The following COL16A1 variants were observed in gnomAD, a reference collection of about 807,000 sequenced individuals.
COL16A1 encodes the protein collagen type XVI alpha 1 chain.
Under a neutral mutation model 266.3 loss-of-function variants are expected in COL16A1, and 189 were observed. The observed-to-expected ratio is 0.71, with a 90% CI of 0.63 to 0.80. COL16A1 has a LOEUF of 0.80. COL16A1 is among the 30% of genes least tolerant of loss of function. The pLI is 0.00. For synonymous variants in COL16A1, 740 were observed against 782.3 expected (o/e 0.95, Z 0.90); for missense variants, 1,928 against 2,122.4 (o/e 0.91, Z 1.80).
chr1:31,687,577 G>T (rs1309262164), intron 26 of COL16A1, among the ~76,000 whole-genome samples: 1 of 151,610 alleles, frequency 6.6e-6, no homozygotes, highest in African/African-American at 2.4e-5. Context: ...AAGTGGAGGG[G>T]GTGAGAGAGC....
chr1:31,680,543 T>C (rs934015424), intron 39 of COL16A1, among the ~76,000 whole-genome samples: 2 of 152,142 alleles, frequency 1.3e-5, no homozygotes, highest in Non-Finnish European at 2.9e-5. Flanking sequence ...ACTAGTCCTT[T>C]CCAGCTCACT....
At position 31,652,593 on chromosome 1, in the gene COL16A1, A is replaced by T; in HGVS notation, c.*58T>A. On this transcript the variant is annotated 3_prime_UTR_variant, in exon 71 of 71. Transcript: ENST00000373672. This position sits in a 1 kb window ranked among gnomAD's most constrained non-coding sequence, Gnocchi z 4.8. ...CATTCACAACCTGTCACAGAGTCCT[A>T]TAAGCTTTGGCCATTTATTCCCAAC... The T allele has an allele frequency of 6.7e-7, 1 of 1,493,750 alleles. No individual in the cohort carries two copies. The highest frequency in any genetic ancestry group is 8.9e-7 in the Non-Finnish European group (1 of 1,121,802). The allele number at this position is 1,493,750 out of a possible 1,614,324, so 92.5% of individuals were successfully genotyped here.
intron 10 of COL16A1, among the ~76,000 whole-genome samples, 200 bp downstream of exon 10, chr1:31,695,561 A>T (rs988024386): frequency 6.6e-6 from 1 of 152,124 alleles, no homozygotes; most frequent in African/African-American, 2.4e-5. Flanking sequence ...CTGCCAACTC[A>T]GCAGGAGTGT....
chr1:31,652,620 G>T lies in COL16A1; in HGVS notation c.*31C>A. Reference sequence around the variant, plus strand: ...AAGCTTTGGCCATTTATTCCCAACGGAGTCTTTCATCCAAAGGCAGGTGGG... The same window carrying T: ...AAGCTTTGGCCATTTATTCCCAACGTAGTCTTTCATCCAAAGGCAGGTGGG... On this transcript the variant is annotated 3_prime_UTR_variant, in exon 71 of 71. Coordinates refer to ENST00000373672, the MANE Select transcript of COL16A1 (RefSeq NM_001856.4). The surrounding 1 kb of genome is among the most constrained non-coding windows in gnomAD (Gnocchi z 4.8). 1.3e-6 allele frequency: 2 copies of T among 1,530,998 alleles called. No homozygotes were observed. The highest frequency in any genetic ancestry group is 2.6e-5 in the South Asian group (2 of 77,864). 94.8% of individuals were successfully genotyped at this position (1,530,998 alleles called of 1,614,324 possible).
rs1253520357 is a variant in COL16A1, at chr1:31,656,885, T to C, written c.4056+148A>G. On this transcript the variant is annotated intron_variant, in intron 65 of 70. Transcript: ENST00000373672. The surrounding 1 kb of genome is among the most constrained non-coding windows in gnomAD (Gnocchi z 4.2). ...CCATCCTTGGCCTCAAGTCTCTAAT[T>C]CCTCTCCCCAGGACAACAGGGTTAA... 9.2e-7 allele frequency: 1 copy of C among 1,083,426 alleles called. No homozygotes were observed. The allele number at this position is 1,083,426 out of a possible 1,614,324, so 67.1% of individuals were successfully genotyped here.
intron 42 of COL16A1, chr1:31,679,179 G>T (rs935859438): frequency 1.1e-5 from 5 of 465,726 alleles, no homozygotes; most frequent in African/African-American, 7.8e-5. Flanking sequence ...TATTTATCTT[G>T]CTTATTGTCT....
chr1:31,686,403 A>G, intron 26 of COL16A1, 124 bp from the exon 27 acceptor site: 1 of 1,348,306 alleles, frequency 7.4e-7, no homozygotes, highest in Non-Finnish European at 1.0e-6. Context: ...ATGTCCAGAG[A>G]GGAAGAGGGC....
intron 16 of COL16A1, 55 bp from the exon 17 acceptor site, chr1:31,692,122 G>A (rs1237455576): frequency 6.2e-7 from 1 of 1,611,364 alleles, no homozygotes; most frequent in Non-Finnish European, 8.5e-7. Flanking sequence ...GGGACAGCTG[G>A]GCAGCTCCAT....
chr1:31,688,308 C>A lies in COL16A1; in HGVS notation c.1803+159G>T, dbSNP rs780784092. On this transcript the variant is annotated intron_variant, in intron 26 of 70. Coordinates refer to ENST00000373672, the MANE Select transcript of COL16A1 (RefSeq NM_001856.4). The surrounding 1 kb of genome is among the most constrained non-coding windows in gnomAD (Gnocchi z 4.9). ...ACATGAGGGCTCTCAGAAATAAATT[C>A]TTTGACTCAAGTCTGCAAAACACTA... 6.6e-6 allele frequency among the ~76,000 whole-genome samples: 1 copy of A among 152,064 alleles called. No individual in the cohort carries two copies. Among genetic ancestry groups the A allele is most frequent in the African/African-American group, 2.4e-5 (1 of 41,384 alleles).
rs200431447 is a variant in COL16A1, at chr1:31,689,722, G to T, written c.1620+19C>A. 2.5e-6 allele frequency: 4 copies of T among 1,600,268 alleles called. No homozygotes were observed. The highest frequency in any genetic ancestry group is 1.3e-5 in the African/African-American group (1 of 74,738). ...TGTGTGTTGGGGGAGGTCCCTCAAT[G>T]GTCACCCTGGGCACTCACCCTGGCT... is the stretch of plus-strand genomic sequence containing the variant. On this transcript the variant is annotated intron_variant, in intron 23 of 70. Coordinates refer to ENST00000373672, the MANE Select transcript of COL16A1 (RefSeq NM_001856.4).
chr1:31,693,307 C>T (rs1242562656), intron 12 of COL16A1, 153 bp from the exon 13 acceptor site: 9 of 637,370 alleles, frequency 1.4e-5, no homozygotes, highest in South Asian at 1.2e-4. Flanking sequence ...CCACGCCTCC[C>T]CCCACCACAC....
chr1:31,652,810 T>C lies in COL16A1; in HGVS notation c.4656A>G (p.Gly1552=). ...CAGGGATGCCTTGCTGGCCCATTGG[T>C]CCTGTTGCACCCATCTTGCCATAGC... ...PPGYGKMGAT[G]PMGQQGIPGI... is the part of the protein sequence containing the mutation. The change falls in exon 71 of 71, where the codon GGA becomes GGG. Residue 1552 remains glycine (G), a synonymous_variant. Coordinates refer to ENST00000373672, the MANE Select transcript of COL16A1 (RefSeq NM_001856.4). The surrounding 1 kb of genome is among the most constrained non-coding windows in gnomAD (Gnocchi z 4.8). The C allele has an allele frequency of 2.5e-6, 4 of 1,592,394 alleles. No homozygotes were observed. Among genetic ancestry groups the C allele is most frequent in the Non-Finnish European group, 3.4e-6 (4 of 1,172,066 alleles).
intron 39 of COL16A1, 70 bp from the exon 40 acceptor site, chr1:31,680,171 G>A (rs1330239631): frequency 3.5e-5 from 55 of 1,563,946 alleles, no homozygotes; most frequent in Non-Finnish European, 4.2e-5. Context: ...ACATCCGAGA[G>A]GCACGTGGGC....
At chr1:31,680,835 G>A in intron 39 of COL16A1, 70 bp downstream of exon 39, 3 of 1,612,150 alleles carry the variant, frequency 1.9e-6, no homozygotes, top group South Asian at 2.2e-5. Context: ...CCAGAGTACG[G>A]GTCACAGGTG....
chr1:31,696,067 T>TG, intron 9 of COL16A1, 21 bp downstream of exon 9: 1 of 1,543,060 alleles, frequency 6.5e-7, no homozygotes, highest in Non-Finnish European at 9.0e-7. Context: ...GGTAGGCTCC[T>TG]CCCCCCACCC....
intron 69 of COL16A1, 32 bp from the exon 70 acceptor site, chr1:31,653,708 C>T: frequency 6.2e-7 from 1 of 1,602,980 alleles, no homozygotes; most frequent in East Asian, 2.2e-5. Context: ...AGTCCTATCC[C>T]TGAGCAGAAA....
In COL16A1 at chr1:31,688,907, G is replaced by A. The variant is rs1408185590; in HGVS notation, c.1721C>T (p.Ala574Val). 9 of 1,614,008 alleles carry A rather than the reference G, an allele frequency of 5.6e-6. No individual in the cohort carries two copies. Among genetic ancestry groups the A allele is most frequent in the Non-Finnish European group, 7.6e-6 (9 of 1,180,018 alleles). Residue 574 changes from alanine (A) to valine (V), a missense_variant, in exon 25 of 71, where the codon GCC becomes GTC. Physicochemically the swap from Ala to Val is moderately conservative, Grantham distance 64 (BLOSUM62 0). This residue lies in a region of COL16A1 where 1,552 missense variants were observed against 1,637.2 expected (regional missense o/e 0.95). Transcript: ENST00000373672. The surrounding 1 kb of genome is among the most constrained non-coding windows in gnomAD (Gnocchi z 4.9). ...GCCAGGGGAACCCACATCTCCACTG[G>A]CCCCTGTGGAGGACACAAGATGCTG... ...GAQHLVSSTG[A>V]SGDVGSPGFG...
Position 31,670,461 on chromosome 1 carries a change from CGT to C in COL16A1, c.3195+139_3195+140del. The C allele has an allele frequency of 8.9e-7, 1 of 1,121,222 alleles. No individual in the cohort carries two copies. Among genetic ancestry groups the C allele is most frequent in the Non-Finnish European group, 1.2e-6 (1 of 858,970 alleles). 69.5% of individuals were successfully genotyped at this position (1,121,222 alleles called of 1,614,324 possible). On this transcript the variant is annotated intron_variant, in intron 49 of 70. Coordinates refer to ENST00000373672, the MANE Select transcript of COL16A1 (RefSeq NM_001856.4). This position sits in a 1 kb window ranked among gnomAD's most constrained non-coding sequence, Gnocchi z 4.5. ...CAAGCTGCCGGGACCTCAGAGAACC[CGT>C]GTCGTTAGCTACCGTGCCTGAAGGG... is the stretch of plus-strand genomic sequence containing the variant.
intron 22 of COL16A1, 132 bp downstream of exon 22, chr1:31,690,235 G>C (rs1315980328): frequency 1.4e-6 from 2 of 1,404,740 alleles, no homozygotes; most frequent in African/African-American, 2.9e-5. Context: ...ATGGACATCA[G>C]AGGAAGAACG....
Sources: gnomAD v4.1 joint callset for allele counts (sites outside exome capture counted in the v4.1 genomes callset) on GRCh38, gnomAD v4.1.1 for gene constraint, gnomAD v4.1.1 regional missense constraint, Gnocchi (gnomAD v3.1) non-coding constraint, MANE v1.5 for transcripts, NCBI Gene and HGNC (gene_info 2026-07-23, HGNC 2026-07-21) for gene names.